DIP2B: variants seen among roughly 807,000 people sequenced by gnomAD.
DIP2B encodes the protein DIP2 acetate--CoA ligase B (putative).
DIP2B carries 76 observed loss-of-function variants against 198.0 expected under a neutral mutation model. The observed-to-expected ratio is 0.38, with a 90% confidence interval of 0.32 to 0.46. DIP2B has a LOEUF of 0.46. Among genes scored for constraint, DIP2B ranks in the 20% least tolerant of loss-of-function variants. DIP2B has a pLI of 0.99. For synonymous variants in DIP2B, 701 were observed against 739.1 expected (o/e 0.95, Z 0.84); for missense variants, 1,559 against 1,978.4 (o/e 0.79, Z 4.02).
chr12:50,572,453 G>C (rs989526210), intron 1 of DIP2B, among the ~76,000 whole-genome samples: 2 of 152,206 alleles, frequency 1.3e-5, no homozygotes, highest in Non-Finnish European at 2.9e-5. Flanking sequence ...TGGCATGCTG[G>C]ATTGGTGTGT....
intron 1 of DIP2B, among the ~76,000 whole-genome samples, chr12:50,542,656 TC>T (rs1427619677): frequency 6.6e-6 from 1 of 152,182 alleles, no homozygotes; most frequent in Non-Finnish European, 1.5e-5. Flanking sequence ...ACTTGTTAAA[TC>T]CTGTCTGGAT....
intron 1 of DIP2B, among the ~76,000 whole-genome samples, chr12:50,535,019 G>A (rs936904842): frequency 8.6e-5 from 13 of 151,902 alleles, no homozygotes; most frequent in African/African-American, 2.7e-4. Context: ...ATTTGAGCTC[G>A]GGAGTTTGAG....
At chr12:50,709,923 C>T (rs751455227) in intron 22 of DIP2B, among the ~76,000 whole-genome samples, 2 of 152,064 alleles carry the variant, frequency 1.3e-5, no homozygotes, top group Non-Finnish European at 2.9e-5. Flanking sequence ...GCACTATGGT[C>T]GCACCTGTGA....
chr12:50,565,829 A>G (rs979989701), intron 1 of DIP2B, among the ~76,000 whole-genome samples: 1 of 152,274 alleles, frequency 6.6e-6, no homozygotes, highest in East Asian at 1.9e-4. Context: ...AATGAAAGTC[A>G]TTTTCAAAAT....
chr12:50,670,752 T>A (rs1348482322), intron 4 of DIP2B, among the ~76,000 whole-genome samples: 3 of 152,178 alleles, frequency 2.0e-5, no homozygotes, highest in Non-Finnish European at 4.4e-5. Flanking sequence ...TAAGTTTTTA[T>A]GTCTCCCTGT....
chr12:50,605,349 A>G (rs1018033099), intron 1 of DIP2B, among the ~76,000 whole-genome samples: 3 of 152,174 alleles, frequency 2.0e-5, no homozygotes, highest in Non-Finnish European at 4.4e-5. Flanking sequence ...TGCGAGGCTA[A>G]GGTGGGCGGA....
intron 36 of DIP2B, among the ~76,000 whole-genome samples, chr12:50,740,502 G>A (rs1033381833): frequency 2.8e-4 from 42 of 152,224 alleles, no homozygotes; most frequent in African/African-American, 9.9e-4. Context: ...AACGGTGCCT[G>A]GCACACAGGA....
At chr12:50,630,406 G>A (rs1378879948) in intron 2 of DIP2B, among the ~76,000 whole-genome samples, 1 of 151,688 alleles carries the variant, frequency 6.6e-6, no homozygotes, top group East Asian at 1.9e-4. Context: ...GGATTTGTCA[G>A]TTTTCCATGT....
intron 1 of DIP2B, among the ~76,000 whole-genome samples, chr12:50,508,475 A>T (rs1318821523): frequency 6.6e-6 from 1 of 152,172 alleles, no homozygotes; most frequent in African/African-American, 2.4e-5. Flanking sequence ...TTGTCATTTG[A>T]GCTTTACTAA....
intron 34 of DIP2B, among the ~76,000 whole-genome samples, chr12:50,735,741 G>A (rs1940127594): frequency 6.6e-6 from 1 of 152,204 alleles, no homozygotes; most frequent in Non-Finnish European, 1.5e-5. Context: ...TGGGATTACA[G>A]GCATGAGCCA....
At chr12:50,631,717 G>A (rs1938058886) in intron 2 of DIP2B, among the ~76,000 whole-genome samples, 1 of 152,166 alleles carries the variant, frequency 6.6e-6, no homozygotes, top group African/African-American at 2.4e-5. Context: ...GCAAACATGA[G>A]CCACTATGCC....
intron 3 of DIP2B, among the ~76,000 whole-genome samples, chr12:50,659,073 C>T (rs1201242640): frequency 1.3e-5 from 2 of 152,016 alleles, no homozygotes; most frequent in Non-Finnish European, 2.9e-5. Flanking sequence ...GGCGACAGAG[C>T]GACACTCCAT....
At chr12:50,616,703 A>G (rs1230915956) in intron 1 of DIP2B, among the ~76,000 whole-genome samples, 1 of 152,182 alleles carries the variant, frequency 6.6e-6, no homozygotes. Flanking sequence ...TGTGAGCTTC[A>G]TTTTGTATGT....
At chr12:50,608,527 G>A (rs1355206368) in intron 1 of DIP2B, among the ~76,000 whole-genome samples, 1 of 151,716 alleles carries the variant, frequency 6.6e-6, no homozygotes, top group African/African-American at 2.4e-5. Flanking sequence ...TCTGGAGGCT[G>A]AGGCAGGAGA....
rs751218680 is a variant in DIP2B, at chr12:50,698,349, T to A, written c.2070T>A (p.Pro690=). 4 of 1,613,204 alleles carry A rather than the reference T, an allele frequency of 2.5e-6. No individual in the cohort carries two copies. The highest frequency in any genetic ancestry group is 3.4e-6 in the Non-Finnish European group (4 of 1,179,610). ...AIRRPGVPGA[P]LPGRAILSMN... The stretch of plus-strand genomic sequence containing the variant: ...TCAGGCCTGGAGTTCCAGGAGCCCC[T>A]TTGCCAGGAAGAGCCATTCTCTCAA... Residue 690 remains proline (P), a synonymous_variant, in exon 18 of 38, where the codon CCT becomes CCA. Coordinates refer to ENST00000301180, the MANE Select transcript of DIP2B (RefSeq NM_173602.3).
At chr12:50,601,127 A>G (rs1330094817) in intron 1 of DIP2B, among the ~76,000 whole-genome samples, 2 of 152,004 alleles carry the variant, frequency 1.3e-5, no homozygotes, top group African/African-American at 2.4e-5. Context: ...TGTTCCTTCA[A>G]TCTAAGCTCC....
intron 12 of DIP2B, among the ~76,000 whole-genome samples, chr12:50,689,408 T>C (rs796089453): frequency 3.9e-5 from 6 of 152,170 alleles, no homozygotes; most frequent in African/African-American, 1.4e-4. Flanking sequence ...TTTACAGTTA[T>C]TCAGGTGAGC....
intron 1 of DIP2B, among the ~76,000 whole-genome samples, chr12:50,573,411 C>G (rs1424130355): frequency 6.6e-6 from 1 of 152,254 alleles, no homozygotes; most frequent in Non-Finnish European, 1.5e-5. Context: ...TCTGTTTCTT[C>G]CTGGCCTACC....
chr12:50,554,383 T>G (rs529534762), intron 1 of DIP2B, among the ~76,000 whole-genome samples: 2 of 152,338 alleles, frequency 1.3e-5, no homozygotes, highest in East Asian at 3.9e-4. Context: ...ACTTTTATTT[T>G]TTTCTTTTCT....
Sources: gnomAD v4.1 joint callset for allele counts (sites outside exome capture counted in the v4.1 genomes callset) on GRCh38, gnomAD v4.1.1 for gene constraint, MANE v1.5 for transcripts, NCBI Gene and HGNC (gene_info 2026-07-23, HGNC 2026-07-21) for gene names.